The following BICDL1 variants were observed in gnomAD, a reference collection of about 807,000 sequenced individuals.
The protein encoded by BICDL1 is BICD family-like cargo adapter 1.
A neutral mutation model predicts 76.8 loss-of-function variants in BICDL1; 20 were observed. The observed-to-expected ratio is 0.26, with a 90% CI of 0.18 to 0.38. BICDL1 has a LOEUF of 0.38. BICDL1 is among the 10% of genes least tolerant of loss of function. The pLI is 1.00. For missense variants in BICDL1, 700 were observed against 798.6 expected, an observed-to-expected ratio of 0.88 and a Z score of 1.49; for synonymous variants, 383 against 337.1, an observed-to-expected ratio of 1.14 and a Z score of -1.49.
chr12:120,075,432 TG>T (rs1873465480), intron 7 of BICDL1, among the ~76,000 whole-genome samples: 1 of 152,038 alleles, frequency 6.6e-6, no homozygotes. Flanking sequence ...GTTTCACTCT[TG>T]CCCAGGCTGG....
At chr12:120,075,307 A>T (rs1873448967) in intron 7 of BICDL1, among the ~76,000 whole-genome samples, 1 of 151,816 alleles carries the variant, frequency 6.6e-6, no homozygotes, top group Admixed American at 6.5e-5. Flanking sequence ...CCTGGCTCAA[A>T]GCTGTTCACG....
chr12:120,020,330 G>A (rs762386213), intron 2 of BICDL1, among the ~76,000 whole-genome samples: 24 of 152,210 alleles, frequency 1.6e-4, no homozygotes, highest in Non-Finnish European at 2.8e-4. Context: ...GGCCGAAGGC[G>A]GGACGGCTGG....
intron 2 of BICDL1, among the ~76,000 whole-genome samples, chr12:120,025,143 G>C (rs1246219375): frequency 1.3e-5 from 2 of 149,786 alleles, no homozygotes; most frequent in Admixed American, 6.7e-5. Flanking sequence ...TCCGCCCCCT[G>C]GGGTTCACAC....
At chr12:120,033,282 A>G (rs78030616) in intron 2 of BICDL1, among the ~76,000 whole-genome samples, 3,116 of 139,490 alleles carry the variant, frequency 0.022, 119 homozygotes, top group African/African-American at 0.082. Context: ...TTTAAGTGTT[A>G]TTTATTTTAT....
chr12:120,006,517 G>A (rs1951853416), intron 2 of BICDL1, among the ~76,000 whole-genome samples: 1 of 152,196 alleles, frequency 6.6e-6, no homozygotes, highest in Admixed American at 6.5e-5. Context: ...GCTAGTGATA[G>A]TACTATGAAT....
chr12:120,074,148 C>T (rs553621013), intron 6 of BICDL1, among the ~76,000 whole-genome samples: 3 of 152,216 alleles, frequency 2.0e-5, no homozygotes, highest in African/African-American at 4.8e-5. Flanking sequence ...CTCCTGACCT[C>T]GTGATCTGCT....
intron 2 of BICDL1, among the ~76,000 whole-genome samples, chr12:120,028,115 A>G (rs185087462): frequency 6.6e-6 from 1 of 152,286 alleles, no homozygotes; most frequent in East Asian, 1.9e-4. Flanking sequence ...CTTTTCTCTC[A>G]ATGTCTGATC....
chr12:119,990,060 G>T lies in BICDL1; in HGVS notation c.192G>T (p.Ala64=). The T allele has an allele frequency of 6.5e-7, 1 of 1,534,972 alleles. No individual in the cohort carries two copies. The highest frequency in any genetic ancestry group is 8.7e-7 in the Non-Finnish European group (1 of 1,143,130). ...LALEEELALL[A]AGERPSDPGE... ...TAGAGGAGGAGCTGGCGCTGCTGGC[G>T]GCCGGGGAGCGGCCGTCCGACCCCG... Residue 64 remains alanine, a synonymous_variant, in exon 1 of 10, where the codon GCG becomes GCT. Coordinates refer to ENST00000548673, the MANE Select transcript of BICDL1 (RefSeq NM_001367886.1).
At chr12:120,006,032 C>T (rs1024419759) in intron 2 of BICDL1, among the ~76,000 whole-genome samples, 1 of 152,210 alleles carries the variant, frequency 6.6e-6, no homozygotes, top group South Asian at 2.1e-4. Context: ...CTCCTCATAT[C>T]TACCTTCATC....
intron 1 of BICDL1, among the ~76,000 whole-genome samples, chr12:119,996,913 T>C (rs989005903): frequency 9.2e-5 from 14 of 152,186 alleles, no homozygotes; most frequent in African/African-American, 2.2e-4. Flanking sequence ...AACATACTCT[T>C]TTCAGAGGCA....
intron 8 of BICDL1, among the ~76,000 whole-genome samples, chr12:120,081,226 G>A (rs943117082): frequency 3.1e-5 from 4 of 130,740 alleles, no homozygotes; most frequent in Non-Finnish European, 6.1e-5. Context: ...TGCATTTTTT[G>A]CAGCTCTTTT....
intron 8 of BICDL1, 27 bp from the exon 9 acceptor site, chr12:120,089,924 T>C (rs1211921222): frequency 2.5e-6 from 4 of 1,612,518 alleles, no homozygotes; most frequent in Non-Finnish European, 3.4e-6. Context: ...AAGGTGTCCA[T>C]GTTCACCCTG....
chr12:120,062,411 A>G (rs1373682691), intron 3 of BICDL1, among the ~76,000 whole-genome samples: 2 of 152,134 alleles, frequency 1.3e-5, no homozygotes, highest in Non-Finnish European at 2.9e-5. Context: ...TAAGGATCTT[A>G]TCACCAGCCC....
chr12:120,075,328 G>A (rs1331166566), intron 7 of BICDL1, among the ~76,000 whole-genome samples: 1 of 151,810 alleles, frequency 6.6e-6, no homozygotes, highest in Non-Finnish European at 1.5e-5. Flanking sequence ...CCTTGCTGCT[G>A]CATGAGGTTT....
chr12:119,999,062 GAA>G (rs10658480), intron 2 of BICDL1, among the ~76,000 whole-genome samples: 1,114 of 95,222 alleles, frequency 0.012, 18 homozygotes, highest in African/African-American at 0.04. Flanking sequence ...GCCTGTCTCG[GAA>G]AAAAAAAAAA....
At chr12:120,029,835 T>C (rs984218100) in intron 2 of BICDL1, among the ~76,000 whole-genome samples, 2 of 152,112 alleles carry the variant, frequency 1.3e-5, no homozygotes, top group Non-Finnish European at 2.9e-5. Context: ...TTTAGTACAA[T>C]GGGGTTTCGC....
At chr12:120,052,107 A>C (rs377279105) in intron 2 of BICDL1, among the ~76,000 whole-genome samples, 36 of 151,642 alleles carry the variant, frequency 2.4e-4, no homozygotes, top group African/African-American at 8.2e-4. Context: ...CACCCAGCTA[A>C]TTTTTTTTGT....
intron 2 of BICDL1, among the ~76,000 whole-genome samples, chr12:120,016,343 G>A (rs544864785): frequency 1.3e-5 from 2 of 151,880 alleles, no homozygotes; most frequent in East Asian, 3.9e-4. Context: ...AGTGCTGTTA[G>A]GAACATTCAT....
intron 9 of BICDL1, chr12:120,091,670 G>C (rs902985120): frequency 5.1e-6 from 5 of 985,134 alleles, no homozygotes; most frequent in Non-Finnish European, 6.0e-6. Context: ...GGAGGCTGGA[G>C]AGCAGGCCCT....
Sources: gnomAD v4.1 joint callset for allele counts (sites outside exome capture counted in the v4.1 genomes callset) on GRCh38, gnomAD v4.1.1 for gene constraint, MANE v1.5 for transcripts, NCBI Gene and HGNC (gene_info 2026-07-23, HGNC 2026-07-21) for gene names.